DCAF8L2: variants seen among roughly 807,000 people sequenced by gnomAD.
DCAF8L2 encodes the protein DDB1- and CUL4-associated factor 8-like protein 2.
For synonymous variants in DCAF8L2, 200 were observed against 190.9 expected (o/e 1.05, Z -0.39); for missense variants, 430 against 490.7 (o/e 0.88, Z 1.17).
At chrX:27,591,016 A>ATATATATATATATATATATATATAT (rs1569153314) in intron 1 of DCAF8L2, among the ~76,000 whole-genome samples, 3 of 44,746 alleles carry the variant, frequency 6.7e-5, no homozygotes, top group Non-Finnish European at 1.8e-4. Context: ...TATATATATA[A>ATATATATATATATATATATATATAT]ATAAATAATT....
At chrX:27,489,776 G>T in the DCAF8L2 span, among the ~76,000 whole-genome samples, 1 of 112,251 alleles carries the variant, frequency 8.9e-6, no homozygotes, top group Non-Finnish European at 1.9e-5. Flanking sequence ...GTGTGGAAGG[G>T]CTACTGTGAC....
the DCAF8L2 span, chrX:27,518,250 A>G: frequency 4.3e-5 from 38 of 884,358 alleles, 1 homozygote; most frequent in South Asian, 7.2e-4. Flanking sequence ...TTCATAAGCC[A>G]GGCTACCTGG....
intron 1 of DCAF8L2, among the ~76,000 whole-genome samples, chrX:27,609,945 A>C (rs899093615): frequency 3.6e-5 from 4 of 111,773 alleles, no homozygotes; most frequent in Non-Finnish European, 7.5e-5. Context: ...TTTATTGTTA[A>C]AGACTCAATA....
At chrX:27,525,265 A>T in the DCAF8L2 span, among the ~76,000 whole-genome samples, 4 of 111,710 alleles carry the variant, frequency 3.6e-5, no homozygotes, top group Admixed American at 2.8e-4. Context: ...TGTTGAAGTG[A>T]TCCCTTTACC....
At chrX:27,694,844 C>T (rs780127561) in intron 3 of DCAF8L2, among the ~76,000 whole-genome samples, 1 of 111,826 alleles carries the variant, frequency 8.9e-6, no homozygotes, top group African/African-American at 3.2e-5. Flanking sequence ...GCATGCCAGT[C>T]TTGTCTCTCA....
the DCAF8L2 span, among the ~76,000 whole-genome samples, chrX:27,571,970 G>C: frequency 6.3e-5 from 7 of 111,716 alleles, no homozygotes; most frequent in African/African-American, 2.3e-4. Context: ...GTGCTATGTA[G>C]AGGAGAAAAA....
intron 1 of DCAF8L2, among the ~76,000 whole-genome samples, chrX:27,598,974 A>AAATATAT (rs1555917079): frequency 2.2e-5 from 2 of 92,211 alleles, no homozygotes; most frequent in African/African-American, 4.2e-5. Flanking sequence ...AAAAAAAAAA[A>AAATATAT]ATATATATAT....
intron 1 of DCAF8L2, among the ~76,000 whole-genome samples, chrX:27,611,789 C>A (rs1927195397): frequency 9.0e-6 from 1 of 111,114 alleles, no homozygotes. Context: ...TTTTTTATGG[C>A]TGCATAGTAT....
intron 3 of DCAF8L2, among the ~76,000 whole-genome samples, chrX:27,678,927 G>A (rs768507121): frequency 2.8e-4 from 31 of 111,738 alleles, no homozygotes; most frequent in African/African-American, 9.8e-4. Context: ...TGTCATCATT[G>A]TGTTTATGAC....
the DCAF8L2 span, among the ~76,000 whole-genome samples, chrX:27,510,077 T>C: frequency 2.9e-3 from 328 of 111,645 alleles, 1 homozygote; most frequent in South Asian, 4.8e-3. Flanking sequence ...GTCATAGGCC[T>C]CATGGGTCTG....
At position 27,625,670 on chromosome X, in the gene DCAF8L2, T is replaced by C. The variant is rs1159132664; in HGVS notation, c.-341-6209T>C. Among the ~76,000 whole-genome samples the C allele has an allele frequency of 2.7e-5, 3 of 112,095 alleles. No individual in the cohort carries two copies. The Admixed American group carries it at 2.8e-4, about 11-fold the overall frequency. ...GTGGTACGTATACACCGTGGAATAC[T>C]ATGCAGCCATAAAAAGAATGAGATC... is the stretch of plus-strand genomic sequence containing the variant. On this transcript the variant is annotated intron_variant, in intron 1 of 4. Transcript: ENST00000451261.
At chrX:27,573,321 C>T in the DCAF8L2 span, among the ~76,000 whole-genome samples, 2 of 109,095 alleles carry the variant, frequency 1.8e-5, no homozygotes, top group South Asian at 8.1e-4. Flanking sequence ...GGTAGAGTGA[C>T]AGTGACAGGG....
the DCAF8L2 span, among the ~76,000 whole-genome samples, chrX:27,555,924 C>T: frequency 0.057 from 6,319 of 111,125 alleles, 435 homozygotes; most frequent in African/African-American, 0.19. Context: ...AGCACTGACA[C>T]CCCCACTTTC....
the DCAF8L2 span, among the ~76,000 whole-genome samples, chrX:27,551,063 T>C: frequency 9.1e-6 from 1 of 110,154 alleles, no homozygotes; most frequent in Non-Finnish European, 1.9e-5. Context: ...ATGAACTTAA[T>C]AAATGTGTGT....
chrX:27,598,488 G>A (rs183128511), intron 1 of DCAF8L2, among the ~76,000 whole-genome samples: 23 of 112,372 alleles, frequency 2.0e-4, no homozygotes, highest in African/African-American at 5.8e-4. Flanking sequence ...TGCTTCCCCC[G>A]CTAGCCGGGC....
intron 4 of DCAF8L2, among the ~76,000 whole-genome samples, chrX:27,736,299 G>C (rs1307883363): frequency 9.0e-6 from 1 of 111,552 alleles, no homozygotes; most frequent in East Asian, 2.8e-4. Context: ...TTACTCCTCT[G>C]TTTTGCCACT....
the DCAF8L2 span, among the ~76,000 whole-genome samples, chrX:27,509,041 C>G: frequency 3.6e-5 from 4 of 111,234 alleles, no homozygotes; most frequent in Non-Finnish European, 7.5e-5. Flanking sequence ...AATGGTCACA[C>G]AACCTACTAT....
chrX:27,609,649 TG>T (rs1927068999), intron 1 of DCAF8L2, among the ~76,000 whole-genome samples: 1 of 111,519 alleles, frequency 9.0e-6, no homozygotes, highest in South Asian at 3.7e-4. Flanking sequence ...AAACGCCTCT[TG>T]GTTTTAGTGC....
intron 1 of DCAF8L2, among the ~76,000 whole-genome samples, chrX:27,626,994 G>A (rs182887028): frequency 9.2e-6 from 1 of 108,220 alleles, no homozygotes; most frequent in East Asian, 2.9e-4. Context: ...TTAGGGGAGG[G>A]GGAATTCACA....
Sources: gnomAD v4.1 joint callset for allele counts (sites outside exome capture counted in the v4.1 genomes callset) on GRCh38, gnomAD v4.1.1 for gene constraint, MANE v1.5 for transcripts, NCBI Gene and HGNC (gene_info 2026-07-23, HGNC 2026-07-21) for gene names.